SNX9: variants seen among roughly 807,000 people sequenced by gnomAD.
SNX9 encodes the protein sorting nexin-9.
Under a neutral mutation model 89.4 loss-of-function variants are expected in SNX9, and 44 were observed. The ratio of observed to expected loss-of-function variants is 0.49; its 90% CI spans 0.39 to 0.63. The LOEUF (loss-of-function observed/expected upper bound fraction) is 0.63, where lower values mean the gene tolerates loss of function less well. Among genes scored for constraint, SNX9 ranks in the 30% least tolerant of loss-of-function variants. The pLI is 0.00. For synonymous variants in SNX9, 236 were observed against 247.8 expected (o/e 0.95, Z 0.45); for missense variants, 578 against 736.1 (o/e 0.79, Z 2.49).
At chr6:157,828,578 C>T (rs1003189258) in intron 1 of SNX9, among the ~76,000 whole-genome samples, 3 of 152,130 alleles carry the variant, frequency 2.0e-5, no homozygotes, top group Non-Finnish European at 2.9e-5. Flanking sequence ...ACGGCAGTCT[C>T]GACTTCCCTG....
rs1213671660 is a variant in SNX9 at position 157,863,174 on chromosome 6, AG to A, written c.13-4371del. The stretch of plus-strand genomic sequence containing the variant: ...GAATTCTGATTATCCAGTTTCCAAA[AG>A]GAAGGGATGTGGGGCAGACAGAATA... On this transcript the variant is annotated intron_variant, in intron 1 of 17. Transcript: ENST00000392185. Among the ~76,000 whole-genome samples the A allele has an allele frequency of 3.9e-5, 6 of 152,342 alleles. No individual in the cohort carries two copies. In the East Asian group the frequency reaches 1.2e-3, roughly 29 times the overall value.
chr6:157,835,598 C>T (rs780464649), intron 1 of SNX9, among the ~76,000 whole-genome samples: 6 of 151,792 alleles, frequency 4.0e-5, no homozygotes, highest in Non-Finnish European at 8.8e-5. Context: ...GAATTGTAAT[C>T]GCTGTAATCT....
intron 4 of SNX9, among the ~76,000 whole-genome samples, chr6:157,888,889 TG>T (rs1001836114): frequency 2.0e-5 from 3 of 152,050 alleles, no homozygotes; most frequent in Admixed American, 6.5e-5. Context: ...CCACGGGCAG[TG>T]AGATCTAATG....
intron 1 of SNX9, among the ~76,000 whole-genome samples, chr6:157,840,897 C>T (rs1349165820): frequency 6.6e-6 from 1 of 152,130 alleles, no homozygotes; most frequent in Non-Finnish European, 1.5e-5. Flanking sequence ...TGGCTGTTAC[C>T]GTTATGCTGT....
intron 9 of SNX9, among the ~76,000 whole-genome samples, chr6:157,917,591 G>A (rs781141994): frequency 1.3e-5 from 2 of 151,984 alleles, no homozygotes; most frequent in African/African-American, 4.8e-5. Flanking sequence ...ATGGGAATTG[G>A]TTCCAGAACC....
intron 11 of SNX9, among the ~76,000 whole-genome samples, chr6:157,928,230 T>G (rs1022408444): frequency 1.3e-5 from 2 of 152,058 alleles, no homozygotes; most frequent in Admixed American, 6.5e-5. Context: ...TTTCATGGAG[T>G]ACTTGGAATG....
At chr6:157,878,898 G>T (rs967518186) in intron 4 of SNX9, among the ~76,000 whole-genome samples, 3 of 151,404 alleles carry the variant, frequency 2.0e-5, no homozygotes, top group Admixed American at 2.0e-4. Flanking sequence ...AGAAAAATAG[G>T]TAAAGTGTAT....
intron 1 of SNX9, among the ~76,000 whole-genome samples, chr6:157,838,241 G>A (rs536326431): frequency 2.0e-5 from 3 of 151,936 alleles, no homozygotes; most frequent in Non-Finnish European, 4.4e-5. Context: ...TTGAACTCCT[G>A]GGCTCAAGCA....
At chr6:157,860,695 T>C (rs1376138631) in intron 1 of SNX9, among the ~76,000 whole-genome samples, 1 of 152,216 alleles carries the variant, frequency 6.6e-6, no homozygotes, top group African/African-American at 2.4e-5. Flanking sequence ...TTGGTTACAG[T>C]GTAGCCTCAG....
At chr6:157,852,960 T>C (rs1418282699) in intron 1 of SNX9, among the ~76,000 whole-genome samples, 1 of 152,174 alleles carries the variant, frequency 6.6e-6, no homozygotes, top group Admixed American at 6.5e-5. Flanking sequence ...GTTATCTTCT[T>C]AGTTTTCTTT....
chr6:157,852,872 C>G (rs1781941368), intron 1 of SNX9, among the ~76,000 whole-genome samples: 1 of 152,094 alleles, frequency 6.6e-6, no homozygotes. Context: ...TGTGCCTGGC[C>G]TTTGTATTTT....
intron 12 of SNX9, among the ~76,000 whole-genome samples, chr6:157,930,224 A>G (rs1388702480): frequency 6.6e-6 from 1 of 152,198 alleles, no homozygotes; most frequent in East Asian, 1.9e-4. Flanking sequence ...CAACAAAACA[A>G]CTTGTAGCAT....
intron 1 of SNX9, among the ~76,000 whole-genome samples, chr6:157,839,798 C>T (rs79574675): frequency 0.023 from 3,460 of 152,260 alleles, 139 homozygotes; most frequent in African/African-American, 0.079. Context: ...CCTCCTGCCC[C>T]TCAGTTTAGT....
intron 6 of SNX9, among the ~76,000 whole-genome samples, chr6:157,904,388 G>A (rs1384153359): frequency 4.6e-5 from 7 of 151,772 alleles, no homozygotes; most frequent in Admixed American, 2.6e-4. Flanking sequence ...GAGCCGAGAT[G>A]GCACCACTGC....
At chr6:157,890,547 G>C (rs1583219600) in intron 4 of SNX9, among the ~76,000 whole-genome samples, 2 of 152,336 alleles carry the variant, frequency 1.3e-5, no homozygotes, top group African/African-American at 4.8e-5. Context: ...GTTAGGAAGA[G>C]AGTCGGACAT....
intron 6 of SNX9, among the ~76,000 whole-genome samples, chr6:157,902,406 A>G (rs1412391990): frequency 2.0e-5 from 3 of 152,184 alleles, no homozygotes. Flanking sequence ...CTGTTTTGTT[A>G]ATCACTTGCC....
chr6:157,851,708 G>T (rs985166294), intron 1 of SNX9, among the ~76,000 whole-genome samples: 8 of 152,104 alleles, frequency 5.3e-5, no homozygotes, highest in African/African-American at 1.9e-4. Flanking sequence ...TCCTGCCTCA[G>T]CCTCCCGAGT....
At chr6:157,830,049 C>T (rs1043191811) in intron 1 of SNX9, 1 of 152,170 alleles carries the variant, frequency 6.6e-6, no homozygotes, top group Non-Finnish European at 1.5e-5. Context: ...TATTTAACTC[C>T]AGTCATCTCC....
intron 5 of SNX9, among the ~76,000 whole-genome samples, chr6:157,898,598 A>G (rs527630463): frequency 3.9e-4 from 60 of 152,344 alleles, no homozygotes; most frequent in African/African-American, 1.4e-3. Flanking sequence ...TTCCTGTTTG[A>G]CTAGGCTATG....
Sources: gnomAD v4.1 joint callset for allele counts (sites outside exome capture counted in the v4.1 genomes callset) on GRCh38, gnomAD v4.1.1 for gene constraint, MANE v1.5 for transcripts, NCBI Gene and HGNC (gene_info 2026-07-23, HGNC 2026-07-21) for gene names.